The following NCEH1 variants were observed in gnomAD, a reference collection of about 807,000 sequenced individuals.
NCEH1 encodes 2-acetyl MAGE hydrolase.
NCEH1 carries 9 observed loss-of-function variants against 25.4 expected under a neutral mutation model. The ratio of observed to expected loss-of-function variants is 0.35; its 90% CI spans 0.21 to 0.62. The LOEUF is 0.62. Ranked by LOEUF, NCEH1 falls within the 20% of genes least tolerant of loss-of-function variation. NCEH1 has a pLI of 0.72. For missense variants in NCEH1, 412 were observed against 501.1 expected (o/e 0.82, Z 1.70); for synonymous variants, 200 against 199.8 (o/e 1.00, Z -0.01).
chr3:172,671,506 TAC>T (rs537504265), intron 1 of NCEH1, among the ~76,000 whole-genome samples: 124 of 142,970 alleles, frequency 8.7e-4, no homozygotes, highest in Middle Eastern at 3.4e-3. Context: ...CACATACACA[TAC>T]ACACACACAC....
At chr3:172,687,974 G>T (rs544873750) in intron 1 of NCEH1, among the ~76,000 whole-genome samples, 1 of 152,224 alleles carries the variant, frequency 6.6e-6, no homozygotes, top group South Asian at 2.1e-4. Flanking sequence ...AAATTTGATT[G>T]TTCAGTTTTA....
At chr3:172,687,532 A>G (rs1712766537) in intron 1 of NCEH1, among the ~76,000 whole-genome samples, 1 of 152,254 alleles carries the variant, frequency 6.6e-6, no homozygotes, top group Non-Finnish European at 1.5e-5. Context: ...TTTCTGTAGA[A>G]TATAGGTCAT....
intron 1 of NCEH1, among the ~76,000 whole-genome samples, chr3:172,654,144 T>C (rs902445945): frequency 3.3e-5 from 5 of 152,142 alleles, no homozygotes; most frequent in African/African-American, 9.7e-5. Flanking sequence ...ACAGGCTCAA[T>C]CTAAAGGAGG....
chr3:172,663,797 T>G (rs922026458), intron 1 of NCEH1, among the ~76,000 whole-genome samples: 3 of 152,212 alleles, frequency 2.0e-5, no homozygotes, highest in Admixed American at 6.5e-5. Flanking sequence ...TGCTTTTTTT[T>G]GTTTTCCATT....
rs532046676 is a variant in NCEH1 at position 172,637,092 on chromosome 3, CAT to C, written c.438-1007_438-1006del. On this transcript the variant is annotated intron_variant, in intron 3 of 4. Coordinates refer to ENST00000475381, the MANE Select transcript of NCEH1 (RefSeq NM_020792.6). ...TCTTATTGGCTCATATGAAAATTAT[CAT>C]ATGTTTTTCCTAAAGATTGTGTTCT... is the stretch of plus-strand genomic sequence containing the variant. 3.7e-3 allele frequency among the ~76,000 whole-genome samples: 557 copies of C among 152,198 alleles called. 4 individuals carry two copies. Among genetic ancestry groups the C allele is most frequent in the African/African-American group, 0.013 (545 of 41,530 alleles).
At chr3:172,679,020 G>T (rs1712185766) in intron 1 of NCEH1, among the ~76,000 whole-genome samples, 1 of 152,312 alleles carries the variant, frequency 6.6e-6, no homozygotes, top group South Asian at 2.1e-4. Flanking sequence ...CCACCCTACT[G>T]CTGTGTCCGC....
intron 1 of NCEH1, among the ~76,000 whole-genome samples, chr3:172,702,470 C>T (rs536126936): frequency 3.9e-5 from 6 of 152,304 alleles, no homozygotes; most frequent in South Asian, 2.1e-4. Context: ...CCCACCTTAT[C>T]GCTGGCAGTT....
intron 1 of NCEH1, among the ~76,000 whole-genome samples, chr3:172,689,179 G>C (rs2108526862): frequency 6.8e-6 from 1 of 146,288 alleles, no homozygotes; most frequent in South Asian, 2.2e-4. Flanking sequence ...ATTTCATTTT[G>C]TTCATAACAA....
chr3:172,685,517 G>A (rs758914376), intron 1 of NCEH1, among the ~76,000 whole-genome samples: 2 of 152,216 alleles, frequency 1.3e-5, no homozygotes, highest in East Asian at 1.9e-4. Context: ...CCAGAGAGAT[G>A]AGTGACAAGC....
intron 1 of NCEH1, among the ~76,000 whole-genome samples, chr3:172,651,796 T>C (rs1717416674): frequency 6.6e-6 from 1 of 152,154 alleles, no homozygotes; most frequent in South Asian, 2.1e-4. Context: ...TGGCCTCAAG[T>C]GATCCACCCA....
chr3:172,702,192 G>A (rs1713735792), intron 1 of NCEH1, among the ~76,000 whole-genome samples: 1 of 151,464 alleles, frequency 6.6e-6, no homozygotes, highest in South Asian at 2.1e-4. Context: ...TTGCATTTCG[G>A]TCTCCTCCTT....
intron 1 of NCEH1, among the ~76,000 whole-genome samples, chr3:172,689,872 T>TTTTTTTA (rs1311325922): frequency 6.6e-6 from 1 of 151,026 alleles, no homozygotes; most frequent in Non-Finnish European, 1.5e-5. Context: ...CCCTCAAGCA[T>TTTTTTTA]TTTTTTATTT....
intron 1 of NCEH1, among the ~76,000 whole-genome samples, chr3:172,671,536 G>GATAT (rs1183000360): frequency 1.1e-5 from 1 of 94,810 alleles, no homozygotes; most frequent in African/African-American, 5.1e-5. Context: ...CACATATATA[G>GATAT]ATATATATAC....
At chr3:172,646,867 A>T (rs1465299518) in intron 2 of NCEH1, among the ~76,000 whole-genome samples, 1 of 152,074 alleles carries the variant, frequency 6.6e-6, no homozygotes, top group Admixed American at 6.6e-5. Context: ...CTTCTTATTC[A>T]TTTTTGTATC....
chr3:172,676,608 T>TC (rs1712022846), intron 1 of NCEH1, among the ~76,000 whole-genome samples: 3 of 152,160 alleles, frequency 2.0e-5, no homozygotes, highest in South Asian at 2.1e-4. Flanking sequence ...GTCGTTCGAA[T>TC]CCCCCCTCCC....
intron 1 of NCEH1, among the ~76,000 whole-genome samples, chr3:172,674,264 A>G (rs34850811): frequency 0.14 from 21,166 of 151,974 alleles, 1,650 homozygotes; most frequent in East Asian, 0.2. Context: ...ACATGGTGAA[A>G]CCCTGTCTCT....
At chr3:172,706,685 G>A (rs1714015963) in intron 1 of NCEH1, among the ~76,000 whole-genome samples, 2 of 151,694 alleles carry the variant, frequency 1.3e-5, no homozygotes, top group Admixed American at 1.3e-4. Context: ...TTTTTTAGTA[G>A]AGACGGGGTT....
chr3:172,638,734 T>C (rs192218907), intron 3 of NCEH1, among the ~76,000 whole-genome samples: 4 of 152,344 alleles, frequency 2.6e-5, no homozygotes, highest in Admixed American at 6.5e-5. Context: ...CTAGCATCCA[T>C]ATGTCAAATA....
Position 172,710,842 on chromosome 3 carries a change from C to T in NCEH1, c.138+5G>A. 3 of 1,613,862 alleles carry T rather than the reference C, an allele frequency of 1.9e-6. No homozygotes were observed. The South Asian group carries it at 3.3e-5, about 18-fold the overall frequency. On this transcript the variant is annotated splice_donor_5th_base_variant and intron_variant, in intron 1 of 4. Coordinates refer to ENST00000475381, the MANE Select transcript of NCEH1 (RefSeq NM_020792.6). ...AGAGAGAAGCAGCGCTGGGCTGCAC[C>T]TCACCACTTGCTGTGCACCCCGGAA...
Sources: gnomAD v4.1 joint callset for allele counts (sites outside exome capture counted in the v4.1 genomes callset) on GRCh38, gnomAD v4.1.1 for gene constraint, MANE v1.5 for transcripts, NCBI Gene and HGNC (gene_info 2026-07-23, HGNC 2026-07-21) for gene names.